Variants in MTUS2 observed in about 807,000 individuals in gnomAD.
The protein encoded by MTUS2 is microtubule-associated tumor suppressor candidate 2.
In MTUS2, 40 loss-of-function variants were observed where a neutral mutation model predicts 114.1. The observed-to-expected ratio is 0.35, with a 90% confidence interval of 0.27 to 0.46. The LOEUF (loss-of-function observed/expected upper bound fraction) is 0.46, where lower values mean the gene tolerates loss of function less well. Ranked by LOEUF, MTUS2 falls within the 20% of genes least tolerant of loss-of-function variation. The pLI, the probability that MTUS2 is intolerant of heterozygous loss-of-function variation, is 1.00. For missense variants in MTUS2, 1,679 were observed against 1,705.4 expected (o/e 0.98, Z 0.27); for synonymous variants, 688 against 672.0 (o/e 1.02, Z -0.37).
chr13:29,168,444 A>G (rs1893409565), intron 5 of MTUS2, among the ~76,000 whole-genome samples: 1 of 152,194 alleles, frequency 6.6e-6, no homozygotes, highest in African/African-American at 2.4e-5. Context: ...TTTGTGAATT[A>G]TCTCTTCATA....
intron 8 of MTUS2, among the ~76,000 whole-genome samples, chr13:29,411,964 A>G (rs1017219994): frequency 3.3e-5 from 5 of 152,174 alleles, no homozygotes; most frequent in African/African-American, 1.2e-4. Flanking sequence ...TGTGTGAGTC[A>G]GTTTTATCAT....
intron 2 of MTUS2, among the ~76,000 whole-genome samples, chr13:28,894,540 T>C (rs1420497477): frequency 6.6e-6 from 1 of 152,212 alleles, no homozygotes; most frequent in Non-Finnish European, 1.5e-5. Flanking sequence ...CCAGCCAGTC[T>C]GTCCACTCCG....
intron 2 of MTUS2, among the ~76,000 whole-genome samples, chr13:28,896,490 A>G (rs1280665549): frequency 1.3e-5 from 2 of 152,252 alleles, no homozygotes; most frequent in Admixed American, 6.5e-5. Flanking sequence ...AGTAATTTAT[A>G]GATTCAATGC....
rs1890207638 is a variant in MTUS2 at position 29,097,051 on chromosome 13, G to A, written c.2447-3722G>A. Among the ~76,000 whole-genome samples the A allele has an allele frequency of 2.6e-5, 4 of 152,138 alleles. No individual in the cohort carries two copies. The South Asian group carries it at 8.3e-4, about 32-fold the overall frequency. On this transcript the variant is annotated intron_variant, in intron 4 of 15. Transcript: ENST00000612955. ...GGAACTGGGGGTGGGGTTGGAGTGA[G>A]AATTGGTGGTGGCCTGCCCATCCCA...
intron 2 of MTUS2, among the ~76,000 whole-genome samples, chr13:29,017,059 A>G (rs891585820): frequency 2.0e-5 from 3 of 152,232 alleles, no homozygotes; most frequent in African/African-American, 4.8e-5. Flanking sequence ...ACATGGAGGT[A>G]TTATTACCAG....
chr13:29,402,966 ACCTCGT>A (rs1874461969), intron 8 of MTUS2, among the ~76,000 whole-genome samples: 1 of 151,956 alleles, frequency 6.6e-6, no homozygotes, highest in Non-Finnish European at 1.5e-5. Context: ...CAATCTCCTG[ACCTCGT>A]GATCTGCCTG....
At chr13:29,373,353 G>C (rs934739693) in intron 8 of MTUS2, among the ~76,000 whole-genome samples, 4 of 152,176 alleles carry the variant, frequency 2.6e-5, no homozygotes, top group African/African-American at 4.8e-5. Flanking sequence ...ACAAACAGGA[G>C]TGCAGTTGTG....
Position 29,364,230 on chromosome 13 carries a change from A to C in MTUS2, c.3117+4757A>C, listed in dbSNP as rs567584375. 2.0e-5 allele frequency among the ~76,000 whole-genome samples: 3 copies of C among 152,324 alleles called. No homozygotes were observed. In the South Asian group the frequency reaches 6.2e-4, roughly 32 times the overall value. On this transcript the variant is annotated intron_variant, in intron 8 of 15. Coordinates refer to ENST00000612955, the MANE Select transcript of MTUS2 (RefSeq NM_001033602.4). ...AAAAAATACTATGTGCTCAAGTGGA[A>C]GCCTCATCCTTGATAATGGGAAGGA... is the stretch of plus-strand genomic sequence containing the variant.
chr13:29,099,681 G>A (rs998772875), intron 4 of MTUS2, among the ~76,000 whole-genome samples: 2 of 152,196 alleles, frequency 1.3e-5, no homozygotes, highest in Non-Finnish European at 2.9e-5. Context: ...CACTGAATGG[G>A]CAGTATATAG....
intron 8 of MTUS2, among the ~76,000 whole-genome samples, chr13:29,389,789 A>ATGTATATACATACATATGTG (rs1873172412): frequency 1.0e-5 from 1 of 96,792 alleles, no homozygotes; most frequent in African/African-American, 4.2e-5. Flanking sequence ...ATGTGTGTAT[A>ATGTATATACATACATATGTG]TGTATATACA....
intron 2 of MTUS2, among the ~76,000 whole-genome samples, chr13:28,874,522 T>C (rs925499048): frequency 6.6e-5 from 10 of 152,164 alleles, no homozygotes; most frequent in African/African-American, 2.4e-4. Context: ...GTGGCTAGGC[T>C]GGAATGGCTC....
chr13:29,483,144 T>C (rs943133316), intron 10 of MTUS2, among the ~76,000 whole-genome samples: 2 of 152,176 alleles, frequency 1.3e-5, no homozygotes, highest in Non-Finnish European at 2.9e-5. Flanking sequence ...GATAACGACA[T>C]CTCTGTCCTT....
intron 8 of MTUS2, among the ~76,000 whole-genome samples, chr13:29,439,137 T>G (rs1291951312): frequency 2.0e-5 from 3 of 152,228 alleles, no homozygotes; most frequent in African/African-American, 7.2e-5. Context: ...TGACAGAGAC[T>G]TTCTTTGAAG....
intron 5 of MTUS2, among the ~76,000 whole-genome samples, chr13:29,152,811 T>C (rs1225416895): frequency 6.6e-6 from 1 of 152,054 alleles, no homozygotes; most frequent in Non-Finnish European, 1.5e-5. Context: ...GCCATATTTG[T>C]CAGAAACCGC....
rs1883089329 is a variant in MTUS2 at position 29,504,242 on chromosome 13, G to A, written c.*1036G>A. On this transcript the variant is annotated 3_prime_UTR_variant, in exon 16 of 16. Coordinates refer to ENST00000612955, the MANE Select transcript of MTUS2 (RefSeq NM_001033602.4). Reference sequence around the variant, plus strand: ...GAACATCACTCCAGCTTTCCATGTGGTTCACTCTGATGCGATGCTGTAAAT... The same window carrying A: ...GAACATCACTCCAGCTTTCCATGTGATTCACTCTGATGCGATGCTGTAAAT... 1 of 232,414 alleles carries A rather than the reference G, an allele frequency of 4.3e-6. No homozygotes were observed. Among genetic ancestry groups the A allele is most frequent in the East Asian group, 6.1e-5 (1 of 16,416 alleles). 14.4% of individuals were successfully genotyped at this position (232,414 alleles called of 1,614,324 possible). A position where few individuals can be genotyped will look rare whatever the true frequency, so the allele number is the denominator to read the frequency against.
At chr13:29,234,677 C>G (rs1299097565) in intron 5 of MTUS2, among the ~76,000 whole-genome samples, 1 of 151,940 alleles carries the variant, frequency 6.6e-6, no homozygotes, top group African/African-American at 2.4e-5. Flanking sequence ...CCTTCTGTAC[C>G]CTTCATTTCG....
At chr13:29,036,733 G>T in intron 4 of MTUS2, among the ~76,000 whole-genome samples, 1 of 151,992 alleles carries the variant, frequency 6.6e-6, no homozygotes, top group East Asian at 1.9e-4. Context: ...AGCTCTTCTT[G>T]TTGCATTGAT....
chr13:28,965,165 A>G (rs1883522012), intron 2 of MTUS2, among the ~76,000 whole-genome samples: 1 of 152,172 alleles, frequency 6.6e-6, no homozygotes, highest in Non-Finnish European at 1.5e-5. Context: ...CCAGTGGCAC[A>G]TTTCTTTATA....
intron 7 of MTUS2, among the ~76,000 whole-genome samples, chr13:29,326,295 A>G (rs1472499722): frequency 2.0e-5 from 3 of 152,184 alleles, no homozygotes; most frequent in Non-Finnish European, 4.4e-5. Flanking sequence ...TGAAAATCCA[A>G]TTTAAAATGC....
Sources: gnomAD v4.1 joint callset for allele counts (sites outside exome capture counted in the v4.1 genomes callset) on GRCh38, gnomAD v4.1.1 for gene constraint, MANE v1.5 for transcripts, NCBI Gene and HGNC (gene_info 2026-07-23, HGNC 2026-07-21) for gene names.